MCPH1: variants seen among roughly 807,000 people sequenced by gnomAD.
MCPH1 encodes the protein microcephalin.
Under a neutral mutation model 84.5 loss-of-function variants are expected in MCPH1, and 104 were observed. The observed-to-expected ratio is 1.23, with a 90% CI of 1.05 to 1.45. The LOEUF (loss-of-function observed/expected upper bound fraction) is 1.45, where lower values mean the gene tolerates loss of function less well. Among genes scored for constraint, MCPH1 ranks in the 40% most tolerant of loss-of-function variants. The pLI is 0.00. For synonymous variants in MCPH1, 514 were observed against 366.8 expected (o/e 1.40, Z -4.58); for missense variants, 1,498 against 1,005.7 (o/e 1.49, Z -6.62).
intron 13 of MCPH1, chr8:6,626,040 G>A: frequency 5.1e-6 from 5 of 985,390 alleles, no homozygotes; most frequent in Non-Finnish European, 6.0e-6. Flanking sequence ...GAGCACCACA[G>A]TCCACCCGCC....
intron 13 of MCPH1, chr8:6,625,597 G>A (rs1289641978): frequency 4.1e-6 from 4 of 985,252 alleles, no homozygotes; most frequent in Non-Finnish European, 4.8e-6. Flanking sequence ...TATTCAAACT[G>A]GAATATCAAC....
At chr8:6,457,416 C>G (rs929884967) in intron 9 of MCPH1, among the ~76,000 whole-genome samples, 29 of 151,838 alleles carry the variant, frequency 1.9e-4, no homozygotes, top group South Asian at 2.1e-4. Context: ...AAAACCCTGG[C>G]CAACATGGCA....
chr8:6,493,363 C>A (rs1452148620), intron 11 of MCPH1, among the ~76,000 whole-genome samples: 3 of 152,130 alleles, frequency 2.0e-5, no homozygotes, highest in African/African-American at 7.2e-5. Context: ...TTGAGGTGAG[C>A]TTTTTCATAA....
At chr8:6,557,987 C>G (rs1487754853) in intron 12 of MCPH1, among the ~76,000 whole-genome samples, 1 of 152,204 alleles carries the variant, frequency 6.6e-6, no homozygotes, top group Non-Finnish European at 1.5e-5. Flanking sequence ...CTCATCTTGA[C>G]TGACTCCCTC....
intron 12 of MCPH1, among the ~76,000 whole-genome samples, chr8:6,564,143 G>T (rs948940213): frequency 6.6e-6 from 1 of 151,972 alleles, no homozygotes; most frequent in African/African-American, 2.4e-5. Flanking sequence ...CACCACACCC[G>T]GCTAATTTTT....
chr8:6,425,194 G>A (rs2920684), intron 3 of MCPH1, among the ~76,000 whole-genome samples: 2,030 of 152,308 alleles, frequency 0.013, 47 homozygotes, highest in African/African-American at 0.045. Context: ...CGAGGAGAAC[G>A]TTGCTGCTTT....
At chr8:6,428,202 A>G (rs1031656440) in intron 3 of MCPH1, among the ~76,000 whole-genome samples, 1 of 152,132 alleles carries the variant, frequency 6.6e-6, no homozygotes, top group African/African-American at 2.4e-5. Flanking sequence ...ACAGTATAAA[A>G]ATACCTTATA....
At chr8:6,625,367 C>T (rs1001809628) in intron 13 of MCPH1, 49 of 985,296 alleles carry the variant, frequency 5.0e-5, no homozygotes, top group African/African-American at 7.0e-5. Flanking sequence ...CCTGCCCCTT[C>T]GACAAAGCAC....
At chr8:6,530,226 G>A (rs1431073126) in intron 12 of MCPH1, among the ~76,000 whole-genome samples, 1 of 152,042 alleles carries the variant, frequency 6.6e-6, no homozygotes, top group Non-Finnish European at 1.5e-5. Context: ...AAGTAATGGT[G>A]GCCAGGTACG....
At chr8:6,452,842 C>T (rs1479517053) in intron 8 of MCPH1, among the ~76,000 whole-genome samples, 4 of 152,142 alleles carry the variant, frequency 2.6e-5, no homozygotes, top group Non-Finnish European at 4.4e-5. Flanking sequence ...TAGCCCCAGC[C>T]GAAGAAGACA....
At chr8:6,468,245 G>A (rs149308860) in intron 9 of MCPH1, among the ~76,000 whole-genome samples, 36 of 152,268 alleles carry the variant, frequency 2.4e-4, no homozygotes, top group African/African-American at 7.5e-4. Context: ...GGGTAGGCTG[G>A]AATTCCCTAT....
intron 12 of MCPH1, among the ~76,000 whole-genome samples, chr8:6,521,901 C>T (rs898871212): frequency 3.9e-5 from 6 of 152,200 alleles, no homozygotes; most frequent in African/African-American, 1.4e-4. Flanking sequence ...AATACTCCTT[C>T]ATGGGGAGGT....
intron 12 of MCPH1, among the ~76,000 whole-genome samples, chr8:6,530,919 G>A (rs1012168381): frequency 6.6e-6 from 1 of 152,210 alleles, no homozygotes; most frequent in Non-Finnish European, 1.5e-5. Context: ...CCTGGCTGAC[G>A]TCTAGCATTT....
rs765312152 is a variant in MCPH1 at position 6,642,990 on chromosome 8, C to A, written c.2453-4C>A. 3.7e-6 allele frequency: 6 copies of A among 1,613,980 alleles called. No homozygotes were observed. In the South Asian group the frequency reaches 6.6e-5, roughly 18 times the overall value. ...TGCTAAACTGCTTTTCGCTCTCTCT[C>A]TAGATTCCATCACCCAGCACAAGGT... is the stretch of plus-strand genomic sequence containing the variant. On this transcript the variant is annotated splice_polypyrimidine_tract_variant and splice_region_variant and intron_variant, in intron 13 of 13. Transcript: ENST00000344683.
chr8:6,422,014 G>C (rs1800277841), intron 3 of MCPH1, among the ~76,000 whole-genome samples: 1 of 152,208 alleles, frequency 6.6e-6, no homozygotes, highest in African/African-American at 2.4e-5. Context: ...AGCTTCCTCT[G>C]TCCCCAGTTC....
intron 12 of MCPH1, among the ~76,000 whole-genome samples, chr8:6,518,167 G>C (rs3020220): frequency 4.1e-4 from 63 of 152,266 alleles, no homozygotes; most frequent in African/African-American, 1.5e-3. Flanking sequence ...GGGGCTGCAT[G>C]GTTAGCGGCT....
intron 12 of MCPH1, among the ~76,000 whole-genome samples, chr8:6,609,973 C>G (rs1830126708): frequency 6.6e-6 from 1 of 152,130 alleles, no homozygotes; most frequent in Admixed American, 6.5e-5. Flanking sequence ...TCTGAAACAT[C>G]CTGAAACATC....
intron 12 of MCPH1, among the ~76,000 whole-genome samples, chr8:6,516,940 G>A (rs760621700): frequency 3.9e-5 from 6 of 152,056 alleles, no homozygotes; most frequent in Admixed American, 2.6e-4. Context: ...ATGAGTATTC[G>A]CTTTGATTCC....
intron 13 of MCPH1, among the ~76,000 whole-genome samples, chr8:6,634,512 T>A (rs986270521): frequency 6.6e-6 from 1 of 152,188 alleles, no homozygotes; most frequent in African/African-American, 2.4e-5. Flanking sequence ...GCTGTGCAAA[T>A]GCAGCAGGCA....
Sources: gnomAD v4.1 joint callset for allele counts (sites outside exome capture counted in the v4.1 genomes callset) on GRCh38, gnomAD v4.1.1 for gene constraint, MANE v1.5 for transcripts, NCBI Gene and HGNC (gene_info 2026-07-23, HGNC 2026-07-21) for gene names.